Variants in DDX1 observed in about 807,000 individuals in gnomAD.
DDX1 encodes the protein DEAD-box helicase 1.
A neutral mutation model predicts 108.7 loss-of-function variants in DDX1; 28 were observed. The ratio of observed to expected loss-of-function variants is 0.26; its 90% confidence interval spans 0.19 to 0.35. The LOEUF (loss-of-function observed/expected upper bound fraction) is 0.35. Ranked by LOEUF, DDX1 falls within the 10% of genes least tolerant of loss-of-function variation. The pLI, the probability that DDX1 is intolerant of heterozygous loss-of-function variation, is 1.00. For missense variants in DDX1, 710 were observed against 884.5 expected, an observed-to-expected ratio of 0.80 and a Z score of 2.50; for synonymous variants, 295 against 288.9, an observed-to-expected ratio of 1.02 and a Z score of -0.21.
chr2:15,608,469 T>C (rs12474189), intron 13 of DDX1, among the ~76,000 whole-genome samples: 31,577 of 150,870 alleles, frequency 0.21, 3,802 homozygotes, highest in Admixed American at 0.28. Flanking sequence ...GGAGGTTGCA[T>C]TGAGGCCAAG....
chr2:15,608,484 C>T (rs1002741023), intron 13 of DDX1, among the ~76,000 whole-genome samples: 26 of 149,950 alleles, frequency 1.7e-4, no homozygotes, highest in Non-Finnish European at 3.2e-4. Flanking sequence ...GCCAAGATTG[C>T]GCCATTGCAC....
intron 1 of DDX1, among the ~76,000 whole-genome samples, chr2:15,594,810 C>T (rs931117612): frequency 6.6e-6 from 1 of 152,198 alleles, no homozygotes; most frequent in African/African-American, 2.4e-5. Flanking sequence ...GTAGTGGCTA[C>T]AGTTTATTAG....
intron 3 of DDX1, among the ~76,000 whole-genome samples, chr2:15,596,059 T>C (rs1313893278): frequency 1.3e-5 from 2 of 152,066 alleles, no homozygotes; most frequent in Non-Finnish European, 2.9e-5. Context: ...TAATTTATTG[T>C]ATTTTTTTGT....
At chr2:15,607,099 T>C in intron 12 of DDX1, 76 bp from the exon 13 acceptor site, 2 of 1,286,410 alleles carry the variant, frequency 1.6e-6, no homozygotes, top group Admixed American at 4.0e-5. Flanking sequence ...TATTAGAATA[T>C]TTGTCCTAAT....
chr2:15,615,680 AT>A (rs1369273238), intron 14 of DDX1, among the ~76,000 whole-genome samples: 2 of 152,194 alleles, frequency 1.3e-5, no homozygotes, highest in Non-Finnish European at 2.9e-5. Context: ...TATTGAAGTA[AT>A]GGAACTAGAG....
chr2:15,612,302 G>GT (rs1665786837), intron 13 of DDX1, among the ~76,000 whole-genome samples: 1 of 151,370 alleles, frequency 6.6e-6, no homozygotes, highest in Non-Finnish European at 1.5e-5. Context: ...TCGCGGCCGG[G>GT]TAGAGGCGCT....
At chr2:15,619,898 G>A (rs1345528640) in intron 16 of DDX1, among the ~76,000 whole-genome samples, 2 of 152,184 alleles carry the variant, frequency 1.3e-5, no homozygotes, top group Non-Finnish European at 2.9e-5. Flanking sequence ...ATTTAAGAAG[G>A]ACAAGCTTTT....
intron 6 of DDX1, among the ~76,000 whole-genome samples, chr2:15,600,302 TC>T (rs374843962): frequency 6.6e-6 from 1 of 152,204 alleles, no homozygotes; most frequent in African/African-American, 2.4e-5. Flanking sequence ...CTGTGATTGT[TC>T]CATAGTGAGC....
At position 15,606,004 on chromosome 2, in the gene DDX1, T is replaced by C; in HGVS notation, c.680T>C (p.Leu227Pro). ...EIPPHMKNQA[L>P]FPACVLKNAE... ...CCACCACATATGAAAAACCAAGCCC[T>C]CTTTCCTGCCTGTGTTTTGAAGGTA... The change falls in exon 11 of 26, where the codon CTC becomes CCC. Residue 227 changes from leucine (L) to proline (P), a missense_variant. Leu to Pro is a moderately conservative substitution (Grantham distance 98). Coordinates refer to ENST00000233084, the MANE Select transcript of DDX1 (RefSeq NM_004939.3). 6.3e-7 allele frequency: 1 copy of C among 1,589,526 alleles called. No homozygotes were observed. Among genetic ancestry groups the C allele is most frequent in the Non-Finnish European group, 8.5e-7 (1 of 1,171,680 alleles).
intron 17 of DDX1, among the ~76,000 whole-genome samples, 181 bp downstream of exon 17, chr2:15,620,577 TC>T (rs1314717331): frequency 2.0e-5 from 3 of 152,252 alleles, no homozygotes; most frequent in Non-Finnish European, 1.5e-5. Flanking sequence ...CTTTTGTTTT[TC>T]TGTCTTCGTA....
rs1403664768 is a variant in DDX1 at position 15,611,912 on chromosome 2, G to A, written c.957-1312G>A. ...CGGACGGGGCGGCTGGCCGGGCGGGGAGCTGACCCCCCCACCTTCCTCCCG... is the reference window on the plus strand; with the variant it reads ...CGGACGGGGCGGCTGGCCGGGCGGGAAGCTGACCCCCCCACCTTCCTCCCG... On this transcript the variant is annotated intron_variant, in intron 13 of 25. Coordinates refer to ENST00000233084, the MANE Select transcript of DDX1 (RefSeq NM_004939.3). Among the ~76,000 whole-genome samples, 3 of 106,336 alleles carry A rather than the reference G, an allele frequency of 2.8e-5. No individual in the cohort carries two copies. The East Asian group carries it at 9.9e-4, about 35-fold the overall frequency. 69.8% of individuals were successfully genotyped at this position (106,336 alleles called of 152,430 possible).
chr2:15,603,997 TTTTC>T (rs1372647639), intron 9 of DDX1, 107 bp downstream of exon 9: 11 of 714,996 alleles, frequency 1.5e-5, no homozygotes, highest in Non-Finnish European at 2.5e-5. Context: ...AATGAGCAGA[TTTTC>T]TGTATATTTT....
In DDX1 at chr2:15,621,061, A is replaced by C; in HGVS notation, c.1396-4A>C. 6.2e-7 allele frequency: 1 copy of C among 1,601,320 alleles called. No homozygotes were observed. The highest frequency in any genetic ancestry group is 1.1e-5 in the South Asian group (1 of 90,342). Reference sequence around the variant, plus strand: ...ATCCTGTTTTTATTCCTTGCTTTTGATAGACTGATGATGTACATGCAAAAG... The same window carrying C: ...ATCCTGTTTTTATTCCTTGCTTTTGCTAGACTGATGATGTACATGCAAAAG... On this transcript the variant is annotated splice_polypyrimidine_tract_variant and splice_region_variant and intron_variant, in intron 17 of 25. Coordinates refer to ENST00000233084, the MANE Select transcript of DDX1 (RefSeq NM_004939.3).
intron 13 of DDX1, 61 bp from the exon 14 acceptor site, chr2:15,613,154 GCAGATCAAA>G: frequency 2.0e-6 from 2 of 1,008,072 alleles, no homozygotes; most frequent in Non-Finnish European, 2.9e-6. Flanking sequence ...ATAAATGGAT[GCAGATCAAA>G]CAATGTAAAG....
At position 15,604,653 on chromosome 2, in the gene DDX1, A is replaced by C. The variant is rs189186067; in HGVS notation, c.625+144A>C. 3.2e-4 allele frequency: 200 copies of C among 628,644 alleles called. 2 individuals carry two copies. The African/African-American group carries it at 3.4e-3, about 11-fold the overall frequency. 38.9% of individuals were successfully genotyped at this position (628,644 alleles called of 1,614,324 possible). On this transcript the variant is annotated intron_variant, in intron 10 of 25. Coordinates refer to ENST00000233084, the MANE Select transcript of DDX1 (RefSeq NM_004939.3). ...AACTAATATTTATTGAGCATTGACT[A>C]TGTGTAAGGTACCCTGGTAAGTACT...
At chr2:15,600,432 A>G (rs1665571549) in intron 6 of DDX1, among the ~76,000 whole-genome samples, 1 of 152,236 alleles carries the variant, frequency 6.6e-6, no homozygotes, top group African/African-American at 2.4e-5. Context: ...CAGGAAGCTT[A>G]TGATACTGAT....
rs535994589 is a variant in DDX1, at chr2:15,623,515, A to G, written c.1527A>G (p.Ala509=). Residue 509 remains alanine (A), a synonymous_variant, in exon 19 of 26, where the codon GCA becomes GCG. Transcript: ENST00000233084. The part of the protein sequence containing the change: ...RAIKEHKMDQ[A]IIFCRTKIDC... ...TCAAGGAACATAAGATGGATCAAGC[A>G]ATTATCTTCTGTAGAACCAAAATTG... 32 of 1,613,628 alleles carry G rather than the reference A, an allele frequency of 2.0e-5. No individual in the cohort carries two copies. In the Middle Eastern group the frequency reaches 9.9e-4, roughly 50 times the overall value.
intron 20 of DDX1, chr2:15,627,552 G>C (rs930013324): frequency 1.2e-5 from 2 of 162,520 alleles, no homozygotes; most frequent in African/African-American, 4.8e-5. Flanking sequence ...AAGGTATTTT[G>C]ATACTGTTTG....
In DDX1 at chr2:15,604,831, G is replaced by C. The variant is rs370893019; in HGVS notation, c.625+322G>C. Among the ~76,000 whole-genome samples the C allele has an allele frequency of 3.3e-5, 5 of 152,260 alleles. No individual in the cohort carries two copies. The East Asian group carries it at 5.8e-4, about 18-fold the overall frequency. ...GAGAGTCATAGCGGTTTGGGGGTTTGTGCTTTTGTGTAGGGCAGTCAAAAG... is the reference window on the plus strand; with the variant it reads ...GAGAGTCATAGCGGTTTGGGGGTTTCTGCTTTTGTGTAGGGCAGTCAAAAG... On this transcript the variant is annotated intron_variant, in intron 10 of 25. Coordinates refer to ENST00000233084, the MANE Select transcript of DDX1 (RefSeq NM_004939.3).
Sources: gnomAD v4.1 joint callset for allele counts (sites outside exome capture counted in the v4.1 genomes callset) on GRCh38, gnomAD v4.1.1 for gene constraint, MANE v1.5 for transcripts, NCBI Gene and HGNC (gene_info 2026-07-23, HGNC 2026-07-21) for gene names.